Variants in KCNN2 observed in about 807,000 individuals in gnomAD.
The protein encoded by KCNN2 is potassium calcium-activated channel subfamily N member 2, also known as small conductance calcium-activated potassium channel protein 2.
A neutral mutation model predicts 55.5 loss-of-function variants in KCNN2; 24 were observed. The ratio of observed to expected loss-of-function variants is 0.43; its 90% confidence interval spans 0.31 to 0.61. KCNN2 has a LOEUF of 0.61. Ranked by LOEUF, KCNN2 falls within the 20% of genes least tolerant of loss-of-function variation. KCNN2 has a pLI of 0.08. For missense variants in KCNN2, 754 were observed against 853.6 expected (o/e 0.88, Z 1.45); for synonymous variants, 431 against 336.1 (o/e 1.28, Z -3.09).
At chr5:114,425,330 A>G (rs1290431628) in intron 3 of KCNN2, among the ~76,000 whole-genome samples, 2 of 152,070 alleles carry the variant, frequency 1.3e-5, no homozygotes, top group Non-Finnish European at 2.9e-5. Context: ...CCACATTGCT[A>G]ATTCCATAGG....
At chr5:114,062,772 T>A (rs946508903) in intron 1 of KCNN2, among the ~76,000 whole-genome samples, 1 of 152,228 alleles carries the variant, frequency 6.6e-6, no homozygotes, top group African/African-American at 2.4e-5. Flanking sequence ...AGACCTCACA[T>A]GTAGTTATTA....
chr5:114,473,062 T>A lies in KCNN2; in HGVS notation c.1788T>A (p.Gly596=). The part of the protein sequence containing the change: ...VCLLTGIMGA[G]CTALVVAVVA... ...TCTCTCCTTGTTTTCAGGGTGCTGGTTGCACAGCCCTGGTGGTAGCTGTAG... is the reference window on the plus strand; with the variant it reads ...TCTCTCCTTGTTTTCAGGGTGCTGGATGCACAGCCCTGGTGGTAGCTGTAG... The change falls in exon 5 of 8, where the codon GGT becomes GGA. Residue 596 remains glycine, a synonymous_variant. Coordinates refer to ENST00000673685, the MANE Select transcript of KCNN2 (RefSeq NM_021614.4). 6.2e-7 allele frequency: 1 copy of A among 1,606,888 alleles called. No individual in the cohort carries two copies. Among genetic ancestry groups the A allele is most frequent in the Non-Finnish European group, 8.5e-7 (1 of 1,175,498 alleles).
chr5:114,450,080 G>C (rs1158554853), intron 3 of KCNN2, among the ~76,000 whole-genome samples: 1 of 152,172 alleles, frequency 6.6e-6, no homozygotes. Context: ...CTGCCACCTA[G>C]TGACTGCCCG....
chr5:114,376,834 A>T (rs1233426400), intron 2 of KCNN2, among the ~76,000 whole-genome samples: 1 of 152,154 alleles, frequency 6.6e-6, no homozygotes, highest in Non-Finnish European at 1.5e-5. Context: ...TGTAATCTCA[A>T]TGCTTTGGGA....
At chr5:114,105,204 A>G (rs1561477712) in intron 1 of KCNN2, among the ~76,000 whole-genome samples, 1 of 152,004 alleles carries the variant, frequency 6.6e-6, no homozygotes, top group Non-Finnish European at 1.5e-5. Flanking sequence ...CGCAGAGCCT[A>G]TTTGTTGCCT....
At chr5:114,139,664 C>T (rs896180499) in intron 1 of KCNN2, among the ~76,000 whole-genome samples, 6 of 151,108 alleles carry the variant, frequency 4.0e-5, no homozygotes, top group Admixed American at 1.3e-4. Flanking sequence ...TCATGAACAA[C>T]TTCCCCTATG....
At chr5:114,484,472 A>T (rs1241571576) in intron 5 of KCNN2, among the ~76,000 whole-genome samples, 1 of 152,030 alleles carries the variant, frequency 6.6e-6, no homozygotes, top group East Asian at 1.9e-4. Context: ...TTATATAAAT[A>T]AAAAAAATGA....
chr5:114,158,435 A>G (rs1040585409), intron 1 of KCNN2, among the ~76,000 whole-genome samples: 14 of 152,144 alleles, frequency 9.2e-5, no homozygotes, highest in Admixed American at 4.6e-4. Context: ...GTCAGGTAGC[A>G]TGATGCTTCC....
intron 3 of KCNN2, among the ~76,000 whole-genome samples, chr5:114,408,763 A>G (rs1019759969): frequency 3.9e-5 from 6 of 152,200 alleles, no homozygotes; most frequent in Admixed American, 6.5e-5. Flanking sequence ...TGTACATGCC[A>G]TATATTTTCT....
intron 3 of KCNN2, among the ~76,000 whole-genome samples, chr5:114,454,870 G>A (rs1414344794): frequency 6.6e-6 from 1 of 152,156 alleles, no homozygotes; most frequent in African/African-American, 2.4e-5. Context: ...CACTTCCACG[G>A]GTTCTATGAC....
At chr5:114,356,039 G>A (rs909236389) in intron 2 of KCNN2, among the ~76,000 whole-genome samples, 8 of 152,058 alleles carry the variant, frequency 5.3e-5, no homozygotes, top group Non-Finnish European at 8.8e-5. Flanking sequence ...ATGTCTGTGA[G>A]GCCCTTCACA....
At chr5:114,213,736 A>C (rs997919889) in intron 1 of KCNN2, among the ~76,000 whole-genome samples, 2 of 151,978 alleles carry the variant, frequency 1.3e-5, no homozygotes, top group African/African-American at 4.8e-5. Flanking sequence ...TGAAAGTTTT[A>C]AGGATTTCTC....
intron 2 of KCNN2, among the ~76,000 whole-genome samples, chr5:114,261,931 C>A (rs1477672869): frequency 6.6e-6 from 1 of 152,118 alleles, no homozygotes; most frequent in African/African-American, 2.4e-5. Flanking sequence ...ATAAACTGAA[C>A]AATCTGAAAA....
intron 3 of KCNN2, among the ~76,000 whole-genome samples, chr5:114,440,596 GA>G (rs1760168772): frequency 6.7e-6 from 1 of 149,760 alleles, no homozygotes; most frequent in Non-Finnish European, 1.5e-5. Flanking sequence ...AGGTTGAACT[GA>G]GGAGTTGGGT....
At chr5:114,310,292 G>A (rs754635870) in intron 2 of KCNN2, among the ~76,000 whole-genome samples, 14 of 152,006 alleles carry the variant, frequency 9.2e-5, no homozygotes, top group African/African-American at 1.4e-4. Context: ...CAGTGCTCCC[G>A]CCCCAGTACT....
chr5:114,324,544 CAG>C (rs1316223098), intron 2 of KCNN2, among the ~76,000 whole-genome samples: 1 of 152,186 alleles, frequency 6.6e-6, no homozygotes, highest in African/African-American at 2.4e-5. Flanking sequence ...AGCAAGGAAA[CAG>C]ATTCTCCCTG....
At chr5:114,144,973 G>C (rs1291816699) in intron 1 of KCNN2, among the ~76,000 whole-genome samples, 2 of 152,020 alleles carry the variant, frequency 1.3e-5, no homozygotes, top group Admixed American at 6.6e-5. Context: ...TCAATCTGTT[G>C]TCTTAGTTTT....
At chr5:114,450,601 T>G (rs1014950471) in intron 3 of KCNN2, among the ~76,000 whole-genome samples, 1 of 152,216 alleles carries the variant, frequency 6.6e-6, no homozygotes, top group Non-Finnish European at 1.5e-5. Flanking sequence ...TTCCAAGATT[T>G]TCCAGTTTCA....
rs535645550 is a variant in KCNN2 at position 114,345,367 on chromosome 5, G to T, written c.-184-15578G>T. Among the ~76,000 whole-genome samples the T allele has an allele frequency of 7.2e-5, 11 of 152,290 alleles. No homozygotes were observed. In the East Asian group the frequency reaches 2.1e-3, roughly 29 times the overall value. On this transcript the variant is annotated intron_variant, in intron 2 of 10. Coordinates refer to the KCNN2 transcript ENST00000512097. ...AAAGGGCAAAAAGGATAACAGAATG[G>T]CAATGGAGTAGGGACCTTCCTGAAT...
Sources: gnomAD v4.1 joint callset for allele counts (sites outside exome capture counted in the v4.1 genomes callset) on GRCh38, gnomAD v4.1.1 for gene constraint, MANE v1.5 for transcripts, NCBI Gene and HGNC (gene_info 2026-07-23, HGNC 2026-07-21) for gene names.